TRPM6: variants seen among roughly 807,000 people sequenced by gnomAD.
The protein encoded by TRPM6 is transient receptor potential cation channel subfamily M member 6.
A neutral mutation model predicts 247.6 loss-of-function variants in TRPM6; 111 were observed. That is an observed-to-expected ratio of 0.45 (90% CI 0.38 to 0.52). TRPM6 has a LOEUF of 0.52. Among genes scored for constraint, TRPM6 ranks in the 20% least tolerant of loss-of-function variants. The pLI, the probability that TRPM6 is intolerant of heterozygous loss-of-function variation, is 0.00. For synonymous variants in TRPM6, 892 were observed against 853.8 expected (o/e 1.04, Z -0.78); for missense variants, 2,126 against 2,421.5 (o/e 0.88, Z 2.56).
intron 1 of TRPM6, chr9:74,887,292 G>C: frequency 7.4e-7 from 1 of 1,359,986 alleles, no homozygotes; most frequent in African/African-American, 1.5e-5. Context: ...GCACGGGGAC[G>C]CGCAGGGGCG....
At chr9:74,746,624 T>C (rs982507653) in intron 31 of TRPM6, among the ~76,000 whole-genome samples, 36 of 152,294 alleles carry the variant, frequency 2.4e-4, no homozygotes, top group African/African-American at 7.9e-4. Context: ...CAGGGAGCCA[T>C]TGAAGGCTTC....
In TRPM6 at chr9:74,821,666, C is replaced by G. The variant is rs1389400628; in HGVS notation, c.1010+3G>C. On this transcript the variant is annotated splice_donor_region_variant and intron_variant, in intron 8 of 38. Transcript: ENST00000360774. ...TTTCAAAAAAGAAGAGCCAACAACT[C>G]ACCCTTCATCTGCCAGGTGTTTGTG... 8 of 1,614,188 alleles carry G rather than the reference C, an allele frequency of 5.0e-6. No homozygotes were observed. Among genetic ancestry groups the G allele is most frequent in the Non-Finnish European group, 6.8e-6 (8 of 1,180,026 alleles).
At chr9:74,780,314 G>A (rs780196614) in intron 23 of TRPM6, among the ~76,000 whole-genome samples, 4 of 151,892 alleles carry the variant, frequency 2.6e-5, no homozygotes, top group Non-Finnish European at 4.4e-5. Context: ...AATTAGCCAG[G>A]TGTGTGGCAC....
chr9:74,740,955 G>C (rs576046790), intron 33 of TRPM6, among the ~76,000 whole-genome samples: 1 of 152,144 alleles, frequency 6.6e-6, no homozygotes, highest in Non-Finnish European at 1.5e-5. Flanking sequence ...TCATACCCCA[G>C]AGCCTCTCCT....
chr9:74,879,655 A>G (rs558632130), intron 1 of TRPM6, among the ~76,000 whole-genome samples: 13 of 152,260 alleles, frequency 8.5e-5, no homozygotes, highest in African/African-American at 2.6e-4. Context: ...TTCCATAAAA[A>G]TCCAAGAGGA....
intron 5 of TRPM6, among the ~76,000 whole-genome samples, chr9:74,837,615 T>G (rs535795461): frequency 6.6e-6 from 1 of 151,994 alleles, no homozygotes; most frequent in African/African-American, 2.4e-5. Context: ...CTCGGCTAAT[T>G]TTTTGTATTT....
chr9:74,873,025 C>T (rs530181253), intron 1 of TRPM6, among the ~76,000 whole-genome samples: 4 of 152,318 alleles, frequency 2.6e-5, no homozygotes, highest in African/African-American at 7.2e-5. Flanking sequence ...GTTCTTCACA[C>T]GCTTTACAGA....
chr9:74,802,279 T>A, intron 15 of TRPM6, 104 bp from the exon 16 acceptor site: 5 of 1,003,288 alleles, frequency 5.0e-6, no homozygotes, highest in Admixed American at 2.3e-5. Context: ...TAATCACTAC[T>A]AAAAAAGAGA....
At chr9:74,748,030 T>C (rs1242888225) in intron 30 of TRPM6, 116 bp from the exon 31 acceptor site, 4 of 963,668 alleles carry the variant, frequency 4.2e-6, no homozygotes, top group Non-Finnish European at 4.9e-6. Context: ...TTTATATACA[T>C]GTGAAATACA....
intron 23 of TRPM6, among the ~76,000 whole-genome samples, chr9:74,779,802 C>T (rs1827354307): frequency 6.6e-6 from 1 of 152,160 alleles, no homozygotes. Flanking sequence ...TGCAAAGGCA[C>T]CTGTATGGTC....
chr9:74,866,030 G>A (rs1390092591), intron 1 of TRPM6, among the ~76,000 whole-genome samples: 3 of 152,164 alleles, frequency 2.0e-5, no homozygotes, highest in Non-Finnish European at 4.4e-5. Flanking sequence ...GCCAGGCATG[G>A]TGGCTCACGC....
intron 30 of TRPM6, among the ~76,000 whole-genome samples, chr9:74,750,164 CT>C (rs1217296607): frequency 6.6e-6 from 1 of 152,260 alleles, no homozygotes; most frequent in East Asian, 1.9e-4. Flanking sequence ...CTCAATCTTT[CT>C]CAGAGTTATT....
At chr9:74,759,738 C>T (rs1826557017) in intron 27 of TRPM6, among the ~76,000 whole-genome samples, 1 of 151,414 alleles carries the variant, frequency 6.6e-6, no homozygotes, top group African/African-American at 2.4e-5. Flanking sequence ...AAATGTGATA[C>T]AAAAAATCAT....
At chr9:74,771,367 T>C (rs1827029770) in intron 25 of TRPM6, among the ~76,000 whole-genome samples, 1 of 152,224 alleles carries the variant, frequency 6.6e-6, no homozygotes, top group Admixed American at 6.5e-5. Context: ...TGTGGTTCCT[T>C]ACTTAGGTTT....
intron 18 of TRPM6, among the ~76,000 whole-genome samples, chr9:74,793,408 C>T (rs1356596131): frequency 1.3e-5 from 2 of 151,972 alleles, no homozygotes; most frequent in East Asian, 3.9e-4. Flanking sequence ...GGTGCAATGG[C>T]GTGGTCTCGG....
chr9:74,773,290 TAGA>T (rs1827112634), intron 24 of TRPM6, among the ~76,000 whole-genome samples: 1 of 152,242 alleles, frequency 6.6e-6, no homozygotes, highest in Non-Finnish European at 1.5e-5. Flanking sequence ...AATGCAAGAT[TAGA>T]AGAAGGCAGT....
At chr9:74,804,534 G>T (rs898610125) in intron 14 of TRPM6, 8 of 730,238 alleles carry the variant, frequency 1.1e-5, no homozygotes, top group Non-Finnish European at 2.0e-5. Context: ...AGAGCAGGCT[G>T]CTGCTGCAAA....
intron 3 of TRPM6, among the ~76,000 whole-genome samples, chr9:74,845,095 G>T (rs186551527): frequency 2.0e-5 from 3 of 152,104 alleles, no homozygotes; most frequent in Non-Finnish European, 4.4e-5. Flanking sequence ...AAAGATCGCC[G>T]ATTAAAGATT....
intron 1 of TRPM6, chr9:74,875,295 CAG>C (rs1018393870): frequency 3.7e-5 from 17 of 453,762 alleles, no homozygotes; most frequent in African/African-American, 1.0e-4. Flanking sequence ...GTAATCCCAG[CAG>C]TTTGGGAGAC....
Sources: allele counts gnomAD v4.1 joint callset (sites outside exome capture counted in the v4.1 genomes callset), GRCh38; gene constraint gnomAD v4.1.1; transcripts MANE v1.5; gene names NCBI Gene and HGNC (gene_info 2026-07-23, HGNC 2026-07-21).